Variants in LITAF observed in about 807,000 individuals in gnomAD.
LITAF encodes lipopolysaccharide-induced tumor necrosis factor-alpha factor.
Under a neutral mutation model 14.5 loss-of-function variants are expected in LITAF, and 9 were observed. The ratio of observed to expected loss-of-function variants is 0.62; its 90% CI spans 0.37 to 1.08. The LOEUF is 1.08. Among genes scored for constraint, LITAF ranks in the 50% least tolerant of loss-of-function variants. The pLI is 0.01. For synonymous variants in LITAF, 98 were observed against 88.2 expected (o/e 1.11, Z -0.62); for missense variants, 206 against 213.4 (o/e 0.97, Z 0.22).
intron 3 of LITAF, among the ~76,000 whole-genome samples, chr16:11,621,652 C>T (rs1597374257): frequency 6.6e-6 from 1 of 152,158 alleles, no homozygotes; most frequent in Admixed American, 6.6e-5. Context: ...GAAGCACAAC[C>T]CACGTTCTAC....
chr16:11,614,533 C>G (rs182271838), intron 3 of LITAF, among the ~76,000 whole-genome samples: 9 of 152,206 alleles, frequency 5.9e-5, no homozygotes, highest in Admixed American at 4.6e-4. Context: ...CTCCTGACCT[C>G]AAGTGACCTG....
intron 1 of LITAF, among the ~76,000 whole-genome samples, chr16:11,578,308 G>A (rs753680914): frequency 3.3e-5 from 5 of 152,016 alleles, no homozygotes; most frequent in Non-Finnish European, 7.4e-5. Flanking sequence ...CTGTAATCCC[G>A]GCACTTTGGG....
intron 3 of LITAF, among the ~76,000 whole-genome samples, chr16:11,606,894 T>C (rs182259801): frequency 1.8e-3 from 272 of 152,244 alleles, no homozygotes; most frequent in African/African-American, 5.9e-3. Flanking sequence ...CTGCCTCAGC[T>C]GGTCAGAGTG....
At chr16:11,573,321 A>T (rs1053119079) in intron 1 of LITAF, among the ~76,000 whole-genome samples, 10 of 152,192 alleles carry the variant, frequency 6.6e-5, no homozygotes, top group Non-Finnish European at 1.2e-4. Context: ...AAATGTTGGT[A>T]ACACACACAG....
chr16:11,625,592 G>C (rs997712245), intron 3 of LITAF, among the ~76,000 whole-genome samples: 5 of 152,082 alleles, frequency 3.3e-5, no homozygotes, highest in Non-Finnish European at 7.4e-5. Flanking sequence ...CCAAATTTCT[G>C]TCTCAGCATC....
At chr16:11,639,155 G>T (rs1019005181), upstream of LITAF, among the ~76,000 whole-genome samples, 2 of 151,902 alleles carry the variant, frequency 1.3e-5, no homozygotes, top group South Asian at 4.2e-4. Context: ...ATGGTCAGAG[G>T]TAGGGATGGA....
rs760969440 is a variant in LITAF, at chr16:11,548,307, G to A, written c.*1330C>T. On this transcript the variant is annotated 3_prime_UTR_variant, in exon 4 of 4. Coordinates refer to ENST00000622633, the MANE Select transcript of LITAF (RefSeq NM_001136472.2). ...ACACAGCAGCCAACCTAGAATCCTG[G>A]CTTGCTGCTTGAGTCCTAGAAATCA... is the stretch of plus-strand genomic sequence containing the variant. The A allele has an allele frequency of 3.7e-5, 17 of 454,034 alleles. No individual in the cohort carries two copies. Among genetic ancestry groups the A allele is most frequent in the South Asian group, 2.5e-4 (16 of 64,466 alleles). The allele number at this position is 454,034 out of a possible 1,614,324, so 28.1% of individuals were successfully genotyped here. A position where few individuals can be genotyped will look rare whatever the true frequency, so the allele number is the denominator to read the frequency against.
chr16:11,589,611 A>C (rs927657717), upstream of LITAF, among the ~76,000 whole-genome samples: 7 of 145,680 alleles, frequency 4.8e-5, no homozygotes, highest in Non-Finnish European at 1.0e-4. Flanking sequence ...ACATACAAAA[A>C]TCAGTTGCTT....
At chr16:11,581,512 G>C (rs2064734036) in intron 1 of LITAF, among the ~76,000 whole-genome samples, 1 of 152,144 alleles carries the variant, frequency 6.6e-6, no homozygotes, top group African/African-American at 2.4e-5. Flanking sequence ...TTAGTGTGGT[G>C]GCTGAGGTGG....
At chr16:11,602,915 A>G (rs2064936259), upstream of LITAF, among the ~76,000 whole-genome samples, 1 of 152,112 alleles carries the variant, frequency 6.6e-6, no homozygotes, top group Non-Finnish European at 1.5e-5. Flanking sequence ...GTCCCAGACC[A>G]GCCTGGGCAA....
chr16:11,628,594 C>T (rs1395845868), intron 3 of LITAF, among the ~76,000 whole-genome samples: 1 of 152,168 alleles, frequency 6.6e-6, no homozygotes, highest in Non-Finnish European at 1.5e-5. Flanking sequence ...GCCTCAAACT[C>T]CTAGGGTCAA....
chr16:11,616,423 G>A (rs143456137), intron 3 of LITAF, among the ~76,000 whole-genome samples: 1,588 of 151,914 alleles, frequency 0.01, 35 homozygotes, highest in African/African-American at 0.036. Context: ...GCTGCAGTGA[G>A]CTACGATTGT....
chr16:11,578,548 G>A (rs1020756834), intron 1 of LITAF, among the ~76,000 whole-genome samples: 2 of 152,162 alleles, frequency 1.3e-5, no homozygotes, highest in Non-Finnish European at 2.9e-5. Flanking sequence ...GGGAAAGACA[G>A]TAAACTACAA....
chr16:11,635,923 G>T (rs58722768), exon 2 of LITAF: 9,221 of 152,288 alleles, frequency 0.061, 958 homozygotes, highest in African/African-American at 0.21. Flanking sequence ...ACAAAGACAC[G>T]GGGTATTTAC....
chr16:11,612,062 C>T (rs946292263), intron 3 of LITAF, among the ~76,000 whole-genome samples: 12 of 152,264 alleles, frequency 7.9e-5, no homozygotes, highest in African/African-American at 2.9e-4. Context: ...TTCTTCCCCT[C>T]GGGGCTCGGA....
chr16:11,625,854 C>A (rs2065080251), intron 3 of LITAF, among the ~76,000 whole-genome samples: 1 of 152,100 alleles, frequency 6.6e-6, no homozygotes, highest in Admixed American at 6.6e-5. Context: ...CAGACAAGTC[C>A]CCCTAAGCTC....
chr16:11,549,637 C>G lies in LITAF; in HGVS notation c.486G>C (p.Ter162TyrextTer52). Residue 162 changes from the stop codon to tyrosine, a stop_lost, in exon 4 of 4, where the codon TAG (stop) becomes TAC (tyrosine). Transcript: ENST00000622633. The surrounding 1 kb of genome is among the most constrained non-coding windows in gnomAD (Gnocchi z 4.6). ...RALLGTYKRL[*>Y] ...GGCTCCCTCCACGTCTGGCTGAGTCCTACAAACGCTTGTAGGTGCCCAGGA... is the reference window on the plus strand; with the variant it reads ...GGCTCCCTCCACGTCTGGCTGAGTCGTACAAACGCTTGTAGGTGCCCAGGA... 1 of 1,611,588 alleles carries G rather than the reference C, an allele frequency of 6.2e-7. No individual in the cohort carries two copies.
At chr16:11,607,955 C>T (rs1363792104) in intron 3 of LITAF, among the ~76,000 whole-genome samples, 2 of 152,306 alleles carry the variant, frequency 1.3e-5, no homozygotes, top group South Asian at 2.1e-4. Context: ...CAGTTAAGAA[C>T]CCCTGTCCCA....
intron 1 of LITAF, chr16:11,584,444 T>A (rs547068086): frequency 1.3e-5 from 2 of 152,334 alleles, no homozygotes; most frequent in East Asian, 3.9e-4. Context: ...ATGCACTGTT[T>A]ATTTTCTTGA....
Sources: allele counts gnomAD v4.1 joint callset (sites outside exome capture counted in the v4.1 genomes callset), GRCh38; gene constraint gnomAD v4.1.1; non-coding constraint Gnocchi (gnomAD v3.1); transcripts MANE v1.5; gene names NCBI Gene and HGNC (gene_info 2026-07-23, HGNC 2026-07-21).